The following SNX29 variants were observed in gnomAD, a reference collection of about 807,000 sequenced individuals.
The protein encoded by SNX29 is sorting nexin-29.
In SNX29, 78 loss-of-function variants were observed where a neutral mutation model predicts 102.1. That is an observed-to-expected ratio of 0.76 (90% CI 0.64 to 0.92). The LOEUF (loss-of-function observed/expected upper bound fraction) is 0.92, where lower values mean the gene tolerates loss of function less well. Among genes scored for constraint, SNX29 ranks in the 40% least tolerant of loss-of-function variants. SNX29 has a pLI of 0.00. For missense variants in SNX29, 1,280 were observed against 1,061.7 expected (o/e 1.21, Z -2.86); for synonymous variants, 580 against 414.5 (o/e 1.40, Z -4.85).
At position 12,385,805 on chromosome 16, in the gene SNX29, A is replaced by G. The variant is rs539325513; in HGVS notation, c.1900-12641A>G. On this transcript the variant is annotated intron_variant, in intron 16 of 20. Transcript: ENST00000566228. ...AAGTAACTCTGTAGGGTTTTCCCAC[A>G]TAACAGATACAGAAAGAATTTATTG... Among the ~76,000 whole-genome samples the G allele has an allele frequency of 2.0e-5, 3 of 152,394 alleles. No individual in the cohort carries two copies. The South Asian group carries it at 6.2e-4, about 32-fold the overall frequency.
chr16:12,142,709 G>A (rs974976252), intron 13 of SNX29, among the ~76,000 whole-genome samples: 6 of 151,100 alleles, frequency 4.0e-5, no homozygotes, highest in Admixed American at 6.6e-5. Context: ...GATTACAGGC[G>A]CCTGCCACCA....
In SNX29 at chr16:12,541,812, C is replaced by T. The variant is rs74458523; in HGVS notation, c.2318+16971C>T. On this transcript the variant is annotated intron_variant, in intron 20 of 20. Coordinates refer to ENST00000566228, the MANE Select transcript of SNX29 (RefSeq NM_032167.5). ...AATGGAAAGGTTCAGAGGGCAGGAA[C>T]CAAGCTCGCCTCTTCCCCTCTTCTC... is the stretch of plus-strand genomic sequence containing the variant. 3.0e-3 allele frequency among the ~76,000 whole-genome samples: 460 copies of T among 152,236 alleles called. 2 individuals carry two copies. The highest frequency in any genetic ancestry group is 7.0e-3 in the South Asian group (34 of 4,826).
At chr16:12,344,675 A>G (rs1325763984) in intron 15 of SNX29, among the ~76,000 whole-genome samples, 1 of 152,242 alleles carries the variant, frequency 6.6e-6, no homozygotes, top group Non-Finnish European at 1.5e-5. Flanking sequence ...ATACATGCTC[A>G]GTAAATGTTT....
chr16:12,111,563 C>G (rs903608740), intron 11 of SNX29, among the ~76,000 whole-genome samples: 2 of 152,180 alleles, frequency 1.3e-5, no homozygotes, highest in African/African-American at 4.8e-5. Context: ...CCCCTTCCCA[C>G]TGCAAGGAAA....
intron 11 of SNX29, among the ~76,000 whole-genome samples, chr16:12,101,891 TTTCTCCTAATG>T (rs1299095133): frequency 1.3e-5 from 2 of 152,184 alleles, no homozygotes; most frequent in Non-Finnish European, 2.9e-5. Context: ...ACATTAGGTA[TTTCTCCTAATG>T]TTCTCCCTCC....
chr16:12,419,488 C>T (rs2084782203), intron 18 of SNX29, among the ~76,000 whole-genome samples: 1 of 152,084 alleles, frequency 6.6e-6, no homozygotes, highest in Non-Finnish European at 1.5e-5. Flanking sequence ...AAACAGATGA[C>T]ATTCATTGAC....
chr16:12,513,938 A>G (rs1206681616), intron 19 of SNX29, among the ~76,000 whole-genome samples: 2 of 152,142 alleles, frequency 1.3e-5, no homozygotes, highest in African/African-American at 4.8e-5. Flanking sequence ...CCAATTAGCA[A>G]CCGCACAGTG....
intron 14 of SNX29, among the ~76,000 whole-genome samples, chr16:12,203,258 T>A (rs76993543): frequency 1.8e-4 from 21 of 114,998 alleles, no homozygotes; most frequent in African/African-American, 6.5e-4. Flanking sequence ...GAGGTGACAT[T>A]TCTGAAGTTG....
Position 12,524,822 on chromosome 16 carries a change from C to T in SNX29, c.2299C>T (p.Gln767Ter). The change falls in exon 20 of 21, where the codon CAG (glutamine) becomes TAG (stop). Residue 767 changes from glutamine (Q) to a stop codon, truncating the protein, a stop_gained. Coordinates refer to ENST00000566228, the MANE Select transcript of SNX29 (RefSeq NM_032167.5). LOFTEE classifies it high-confidence loss of function. ...CAGCCCCAAGAAGGAGACCCTCATC[C>T]AGCTGATGCCCTTCTTCGTGTAAGT... is the stretch of plus-strand genomic sequence containing the variant. ...AASPKKETLI[Q>*]LMPFFVDITP... The T allele has an allele frequency of 6.2e-7, 1 of 1,613,664 alleles. No individual in the cohort carries two copies. The highest frequency in any genetic ancestry group is 1.7e-5 in the Admixed American group (1 of 59,972).
In SNX29 at chr16:12,570,591, T is replaced by A. The variant is rs1390252002; in HGVS notation, c.*1962T>A. The stretch of plus-strand genomic sequence containing the variant: ...GGAGTGCCTCCCTGGCCTGGGTAGC[T>A]ACCCTGGAGGTCATCTCCCTGTTCT... On this transcript the variant is annotated 3_prime_UTR_variant, in exon 21 of 21. Coordinates refer to ENST00000566228, the MANE Select transcript of SNX29 (RefSeq NM_032167.5). 4 of 231,794 alleles carry A rather than the reference T, an allele frequency of 1.7e-5. No homozygotes were observed. Among genetic ancestry groups the A allele is most frequent in the African/African-American group, 4.4e-5 (2 of 45,262 alleles). 14.4% of individuals were successfully genotyped at this position (231,794 alleles called of 1,614,324 possible).
intron 13 of SNX29, among the ~76,000 whole-genome samples, chr16:12,153,164 A>G (rs2055371944): frequency 6.6e-6 from 1 of 152,304 alleles, no homozygotes; most frequent in Middle Eastern, 3.4e-3. Flanking sequence ...TTGGGAGGCC[A>G]AGGCAGGAAG....
intron 15 of SNX29, among the ~76,000 whole-genome samples, chr16:12,336,009 G>C (rs2081436904): frequency 2.6e-5 from 4 of 152,302 alleles, no homozygotes; most frequent in South Asian, 2.1e-4. Context: ...GTCTGGGTCT[G>C]TGTTTGTGAC....
chr16:12,021,382 C>T (rs767425510), intron 3 of SNX29, among the ~76,000 whole-genome samples: 50 of 151,776 alleles, frequency 3.3e-4, no homozygotes, highest in African/African-American at 1.0e-3. Context: ...GCGGAGATCG[C>T]GCCACTGCAC....
At chr16:12,091,775 CAAAA>C (rs71408236) in intron 11 of SNX29, among the ~76,000 whole-genome samples, 3 of 93,938 alleles carry the variant, frequency 3.2e-5, no homozygotes, top group African/African-American at 7.8e-5. Context: ...AGATCCTTCT[CAAAA>C]AAAAAAAAAA....
intron 18 of SNX29, among the ~76,000 whole-genome samples, chr16:12,475,278 GCCA>G (rs1361503447): frequency 6.6e-6 from 1 of 152,194 alleles, no homozygotes; most frequent in Non-Finnish European, 1.5e-5. Context: ...GATGGTTAAT[GCCA>G]CCCACCCAGT....
At position 12,498,845 on chromosome 16, in the gene SNX29, C is replaced by T. The variant is rs3888805; in HGVS notation, c.2178+20986C>T. ...CCAACAAAAGTAAAATTGCTCAGTTCTGCTTGAAAGATGAGGATGTAAGTA... is the reference window on the plus strand; with the variant it reads ...CCAACAAAAGTAAAATTGCTCAGTTTTGCTTGAAAGATGAGGATGTAAGTA... On this transcript the variant is annotated intron_variant, in intron 19 of 20. Coordinates refer to ENST00000566228, the MANE Select transcript of SNX29 (RefSeq NM_032167.5). Among the ~76,000 whole-genome samples, 1,398 of 152,264 alleles carry T rather than the reference C, an allele frequency of 9.2e-3. 64 individuals are homozygous for T. The highest frequency in any genetic ancestry group is 0.083 in the Admixed American group (1,270 of 15,294).
intron 20 of SNX29, among the ~76,000 whole-genome samples, chr16:12,555,135 C>T (rs559561486): frequency 2.0e-5 from 3 of 151,904 alleles, no homozygotes; most frequent in African/African-American, 7.2e-5. Flanking sequence ...GGCTTATTCT[C>T]AGACTTGGTC....
intron 11 of SNX29, among the ~76,000 whole-genome samples, chr16:12,101,684 T>G (rs564639441): frequency 6.6e-6 from 1 of 152,266 alleles, no homozygotes; most frequent in Admixed American, 6.5e-5. Context: ...GTGCCTGGCC[T>G]GACCCCCAGT....
intron 13 of SNX29, among the ~76,000 whole-genome samples, chr16:12,164,839 C>G (rs774916743): frequency 2.0e-5 from 3 of 152,046 alleles, no homozygotes; most frequent in African/African-American, 2.4e-5. Context: ...AGGTGCCCAC[C>G]ACCATGCCCA....
Sources: allele counts gnomAD v4.1 joint callset (sites outside exome capture counted in the v4.1 genomes callset), GRCh38; gene constraint gnomAD v4.1.1; transcripts MANE v1.5; gene names NCBI Gene and HGNC (gene_info 2026-07-23, HGNC 2026-07-21).